The following DLC1 variants were observed in gnomAD, a reference collection of about 807,000 sequenced individuals.
The protein encoded by DLC1 is rho GTPase-activating protein 7.
DLC1 carries 54 observed loss-of-function variants against 140.3 expected under a neutral mutation model. The ratio of observed to expected loss-of-function variants is 0.38; its 90% CI spans 0.31 to 0.48. The LOEUF (loss-of-function observed/expected upper bound fraction) is 0.48, where lower values mean the gene tolerates loss of function less well. Ranked by LOEUF, DLC1 falls within the 20% of genes least tolerant of loss-of-function variation. The pLI, the probability that DLC1 is intolerant of heterozygous loss-of-function variation, is 0.96. For synonymous variants in DLC1, 986 were observed against 728.1 expected, an observed-to-expected ratio of 1.35 and a Z score of -5.70; for missense variants, 2,536 against 1,907.0, an observed-to-expected ratio of 1.33 and a Z score of -6.14.
chr8:13,574,382 G>A (rs533886330), intron 1 of DLC1, among the ~76,000 whole-genome samples: 15 of 152,048 alleles, frequency 9.9e-5, no homozygotes, highest in South Asian at 6.2e-4. Flanking sequence ...AATTCTTAAC[G>A]CTCAAACTTA....
chr8:13,502,573 T>C (rs754932534), intron 1 of DLC1, among the ~76,000 whole-genome samples: 13 of 152,338 alleles, frequency 8.5e-5, no homozygotes, highest in South Asian at 6.2e-4. Flanking sequence ...ATAGGAGCAT[T>C]AGATTATTGT....
chr8:13,503,663 G>A (rs566693925), intron 1 of DLC1, among the ~76,000 whole-genome samples: 1 of 152,286 alleles, frequency 6.6e-6, no homozygotes, highest in African/African-American at 2.4e-5. Flanking sequence ...TGTTCAGTCT[G>A]TAGAACTGAC....
At chr8:13,438,515 C>A (rs1299874872) in intron 2 of DLC1, among the ~76,000 whole-genome samples, 2 of 152,062 alleles carry the variant, frequency 1.3e-5, no homozygotes, top group Non-Finnish European at 2.9e-5. Flanking sequence ...TTCCTATCAC[C>A]CCAAATCCTG....
At chr8:13,283,908 AGAGT>A (rs1301674066) in intron 5 of DLC1, among the ~76,000 whole-genome samples, 3 of 152,218 alleles carry the variant, frequency 2.0e-5, no homozygotes, top group Admixed American at 2.0e-4. Flanking sequence ...AGCAGAACAA[AGAGT>A]GAGATCTGCA....
rs535546585 is a variant in DLC1 at position 13,207,905 on chromosome 8, A to G, written c.1349-92248T>C. On this transcript the variant is annotated intron_variant, in intron 5 of 17. Coordinates refer to ENST00000276297, the MANE Select transcript of DLC1 (RefSeq NM_182643.3). ...ATGATATACATAGTGTGTACTTGAC[A>G]GTATTATGTATACCCATTTTAAAAC... is the stretch of plus-strand genomic sequence containing the variant. Among the ~76,000 whole-genome samples the G allele has an allele frequency of 8.8e-4, 134 of 152,334 alleles. 1 individual carries two copies. The South Asian group carries it at 0.023, about 27-fold the overall frequency.
At chr8:13,380,316 T>C (rs1836194421) in intron 4 of DLC1, among the ~76,000 whole-genome samples, 1 of 152,244 alleles carries the variant, frequency 6.6e-6, no homozygotes, top group African/African-American at 2.4e-5. Context: ...TTTATTGTGT[T>C]CAAATTTATT....
chr8:13,225,737 T>C (rs1828766314), intron 5 of DLC1, among the ~76,000 whole-genome samples: 1 of 151,448 alleles, frequency 6.6e-6, no homozygotes, highest in South Asian at 2.1e-4. Context: ...TGCCTCAGCC[T>C]CCTGAGTAGC....
At chr8:13,552,191 C>A (rs1243256944) in intron 1 of DLC1, among the ~76,000 whole-genome samples, 1 of 126,612 alleles carries the variant, frequency 7.9e-6, no homozygotes, top group African/African-American at 2.9e-5. Context: ...ATATATATAC[C>A]TGTCTAGAGG....
intron 1 of DLC1, among the ~76,000 whole-genome samples, chr8:13,537,668 T>A (rs1457329943): frequency 6.9e-6 from 1 of 144,904 alleles, no homozygotes; most frequent in East Asian, 2.0e-4. Flanking sequence ...TTTTTTTTTT[T>A]TTTGAGACGG....
intron 1 of DLC1, among the ~76,000 whole-genome samples, chr8:13,601,061 T>C (rs922457680): frequency 6.6e-6 from 1 of 151,826 alleles, no homozygotes; most frequent in Non-Finnish European, 1.5e-5. Context: ...TTTGAGCCAA[T>C]CTCGTAAAGT....
At chr8:13,153,073 C>A (rs557820175) in intron 5 of DLC1, among the ~76,000 whole-genome samples, 1 of 152,076 alleles carries the variant, frequency 6.6e-6, no homozygotes, top group Non-Finnish European at 1.5e-5. Flanking sequence ...TCATACTGTG[C>A]CTGGAATTGG....
chr8:13,449,516 A>T (rs1284496849), intron 2 of DLC1, among the ~76,000 whole-genome samples: 2 of 152,158 alleles, frequency 1.3e-5, no homozygotes, highest in Non-Finnish European at 2.9e-5. Context: ...TAGGAACCTG[A>T]CACAGGTGGA....
At chr8:13,129,178 C>G (rs1821869980) in intron 5 of DLC1, among the ~76,000 whole-genome samples, 1 of 152,242 alleles carries the variant, frequency 6.6e-6, no homozygotes, top group Non-Finnish European at 1.5e-5. Context: ...AACGCAGTAA[C>G]TCATTCCTAT....
chr8:13,184,787 G>A (rs1216445667), intron 5 of DLC1, among the ~76,000 whole-genome samples: 1 of 152,178 alleles, frequency 6.6e-6, no homozygotes, highest in Non-Finnish European at 1.5e-5. Flanking sequence ...GATTTGGGGT[G>A]GAGAGTTCTG....
intron 1 of DLC1, among the ~76,000 whole-genome samples, chr8:13,508,488 GC>G (rs1563409123): frequency 1.3e-5 from 2 of 150,668 alleles, no homozygotes; most frequent in African/African-American, 4.9e-5. Context: ...CGCGATCTGG[GC>G]TCACTGCAAG....
intron 4 of DLC1, among the ~76,000 whole-genome samples, chr8:13,358,552 A>G (rs1371170772): frequency 6.6e-6 from 1 of 151,574 alleles, no homozygotes; most frequent in Admixed American, 6.6e-5. Context: ...AAATGTAAGA[A>G]AAGTTTTTTT....
chr8:13,322,336 G>C (rs569128601), intron 4 of DLC1, among the ~76,000 whole-genome samples: 1 of 152,094 alleles, frequency 6.6e-6, no homozygotes, highest in South Asian at 2.1e-4. Context: ...TTGTTTGAAA[G>C]CTTCTAACTC....
At chr8:13,525,707 T>G (rs559334418) in intron 1 of DLC1, among the ~76,000 whole-genome samples, 1 of 152,336 alleles carries the variant, frequency 6.6e-6, no homozygotes, top group African/African-American at 2.4e-5. Context: ...GACCATATAT[T>G]CTGCATATAA....
chr8:13,208,801 T>A (rs1309507680), intron 5 of DLC1, among the ~76,000 whole-genome samples: 1 of 151,812 alleles, frequency 6.6e-6, no homozygotes, highest in Non-Finnish European at 1.5e-5. Context: ...AGAAGTAAGA[T>A]AGTTTTACAA....
Sources: gnomAD v4.1 joint callset for allele counts (sites outside exome capture counted in the v4.1 genomes callset) on GRCh38, gnomAD v4.1.1 for gene constraint, MANE v1.5 for transcripts, NCBI Gene and HGNC (gene_info 2026-07-23, HGNC 2026-07-21) for gene names.